Variants in EHD3 observed in about 807,000 individuals in gnomAD.
EHD3 encodes EH domain containing 3.
EHD3 carries 17 observed loss-of-function variants against 43.0 expected under a neutral mutation model. That is an observed-to-expected ratio of 0.40 (90% CI 0.27 to 0.59). The LOEUF is 0.59. EHD3 is among the 20% of genes least tolerant of loss of function. EHD3 has a pLI of 0.49. For missense variants in EHD3, 594 were observed against 705.6 expected, an observed-to-expected ratio of 0.84 and a Z score of 1.79; for synonymous variants, 313 against 289.5, an observed-to-expected ratio of 1.08 and a Z score of -0.82.
At position 31,268,761 on chromosome 2, in the gene EHD3, C is replaced by T. The variant is rs1157346350; in HGVS notation, c.*2057C>T. The T allele has an allele frequency of 1.3e-5, 2 of 152,226 alleles. No homozygotes were observed. Among genetic ancestry groups the T allele is most frequent in the African/African-American group, 4.8e-5 (2 of 41,452 alleles). 9.4% of individuals were successfully genotyped at this position (152,226 alleles called of 1,614,324 possible). ...CGAGTGCAGGTTAGGGACCATTTCT[C>T]AACTCCACACCTTTCTTCAAGCTGA... is the stretch of plus-strand genomic sequence containing the variant. On this transcript the variant is annotated 3_prime_UTR_variant, in exon 6 of 6. Transcript: ENST00000322054.
Position 31,266,981 on chromosome 2 carries a change from A to C in EHD3, c.*277A>C. The stretch of plus-strand genomic sequence containing the variant: ...TATCGCTCTTCCCCTCTCCTCGGCC[A>C]CTCCCCAGATACCAGACCTGAGGCA... On this transcript the variant is annotated 3_prime_UTR_variant, in exon 6 of 6. Coordinates refer to ENST00000322054, the MANE Select transcript of EHD3 (RefSeq NM_014600.3). The surrounding 1 kb of genome is among the most constrained non-coding windows in gnomAD (Gnocchi z 5.1). 2 of 417,232 alleles carry C rather than the reference A, an allele frequency of 4.8e-6. No individual in the cohort carries two copies. Among genetic ancestry groups the C allele is most frequent in the South Asian group, 5.2e-5 (1 of 19,104 alleles). The allele number at this position is 417,232 out of a possible 1,614,324, so 25.8% of individuals were successfully genotyped here. A position where few individuals can be genotyped will look rare whatever the true frequency, so the allele number is the denominator to read the frequency against.
chr2:31,256,962 T>C (rs1038035934), intron 3 of EHD3, among the ~76,000 whole-genome samples: 10 of 152,228 alleles, frequency 6.6e-5, no homozygotes, highest in Non-Finnish European at 1.3e-4. Flanking sequence ...CTGGCTGCCT[T>C]AGCCTGTTCT....
intron 5 of EHD3, 118 bp downstream of exon 5, chr2:31,261,831 CAGGCA>C: frequency 1.8e-6 from 2 of 1,114,506 alleles, no homozygotes; most frequent in Non-Finnish European, 1.2e-6. Context: ...CCAGAATCTG[CAGGCA>C]AGGAGGTGGC....
chr2:31,265,266 A>G (rs672739), intron 5 of EHD3, among the ~76,000 whole-genome samples: 17,411 of 152,284 alleles, frequency 0.11, 1,086 homozygotes, highest in Non-Finnish European at 0.12. Flanking sequence ...AACCAGTAAC[A>G]TAGCCGTTAT....
chr2:31,238,821 T>A (rs1683367271), intron 1 of EHD3, among the ~76,000 whole-genome samples: 1 of 152,080 alleles, frequency 6.6e-6, no homozygotes. Context: ...CCATGGGCCA[T>A]GAGGGAGGCC....
At chr2:31,261,794 C>G (rs775462203) in intron 5 of EHD3, 81 bp downstream of exon 5, 279 of 1,530,504 alleles carry the variant, frequency 1.8e-4, no homozygotes, top group Non-Finnish European at 2.3e-4. Context: ...GGAGGCCACT[C>G]TTGGAGCCCC....
rs1491201693 is a variant in EHD3, at chr2:31,253,244, TCC to T, written c.502+3778_502+3779del. Among the ~76,000 whole-genome samples, 6 of 70,020 alleles carry T rather than the reference TCC, an allele frequency of 8.6e-5. 1 individual carries two copies. Among genetic ancestry groups the T allele is most frequent in the Admixed American group, 2.0e-4 (1 of 5,004 alleles). The allele number at this position is 70,020 out of a possible 152,430, so 45.9% of individuals were successfully genotyped here. A position where few individuals can be genotyped will look rare whatever the true frequency, so the allele number is the denominator to read the frequency against. The stretch of plus-strand genomic sequence containing the variant: ...TCCCCTCTTCCCCACAGCAACCCCC[TCC>T]CACACACACACACACACACACACAC... On this transcript the variant is annotated intron_variant, in intron 3 of 5. Transcript: ENST00000322054.
rs1285305084 is a variant in EHD3 at position 31,268,434 on chromosome 2, G to C, written c.*1730G>C. On this transcript the variant is annotated 3_prime_UTR_variant, in exon 6 of 6. Transcript: ENST00000322054. ...GAGCATCATTCAATGGAGGCTGAGG[G>C]AGAAGGGCTGGGTTCTTACTTGGAG... 1.3e-5 allele frequency: 2 copies of C among 152,608 alleles called. No individual in the cohort carries two copies. Among genetic ancestry groups the C allele is most frequent in the African/African-American group, 4.8e-5 (2 of 41,454 alleles). The allele number at this position is 152,608 out of a possible 1,614,324, so 9.5% of individuals were successfully genotyped here. A position where few individuals can be genotyped will look rare whatever the true frequency, so the allele number is the denominator to read the frequency against.
intron 1 of EHD3, among the ~76,000 whole-genome samples, chr2:31,237,546 G>A (rs651166): frequency 0.25 from 37,405 of 151,784 alleles, 6,747 homozygotes; most frequent in African/African-American, 0.51. Context: ...CTGGGGTTAC[G>A]GGCACCCGCC....
rs762432989 is a variant in EHD3 at position 31,260,648 on chromosome 2, T to C, written c.641T>C (p.Met214Thr). The C allele has an allele frequency of 2.7e-5, 43 of 1,614,076 alleles. 1 individual carries two copies. The highest frequency in any genetic ancestry group is 3.5e-5 in the Non-Finnish European group (41 of 1,180,040). Residue 214 changes from methionine to threonine, a missense_variant, in exon 4 of 6, where the codon ATG becomes ACG. Transcript: ENST00000322054. This position sits in a 1 kb window ranked among gnomAD's most constrained non-coding sequence, Gnocchi z 4.6. ...IKALKNHEDK[M>T]RVVLNKADQI... ...GCCCTCAAGAACCACGAGGACAAGATGCGAGTGGTGCTGAACAAAGCTGAC... is the reference window on the plus strand; with the variant it reads ...GCCCTCAAGAACCACGAGGACAAGACGCGAGTGGTGCTGAACAAAGCTGAC...
intron 3 of EHD3, among the ~76,000 whole-genome samples, chr2:31,250,074 A>C (rs1330161653): frequency 5.9e-5 from 2 of 34,090 alleles, no homozygotes; most frequent in Non-Finnish European, 1.0e-4. Context: ...AGGTTTCTTT[A>C]TTTCAGTTAC....
At chr2:31,264,063 G>A (rs1220964135) in intron 5 of EHD3, among the ~76,000 whole-genome samples, 1 of 152,172 alleles carries the variant, frequency 6.6e-6, no homozygotes, top group African/African-American at 2.4e-5. Flanking sequence ...TAATGACAGG[G>A]ACACATCCTC....
intron 3 of EHD3, among the ~76,000 whole-genome samples, chr2:31,249,707 C>G (rs914298023): frequency 6.6e-6 from 1 of 152,172 alleles, no homozygotes; most frequent in African/African-American, 2.4e-5. Context: ...GTCTTCTCAT[C>G]TGTAAAATGA....
At chr2:31,259,522 T>G (rs967537632) in intron 3 of EHD3, among the ~76,000 whole-genome samples, 13 of 152,152 alleles carry the variant, frequency 8.5e-5, no homozygotes, top group Non-Finnish European at 1.8e-4. Flanking sequence ...CTGTAACCAG[T>G]CTGACCTAAA....
intron 5 of EHD3, among the ~76,000 whole-genome samples, chr2:31,262,521 T>A (rs1427147108): frequency 6.6e-6 from 1 of 152,190 alleles, no homozygotes; most frequent in African/African-American, 2.4e-5. Context: ...ACTATGCCCT[T>A]AGTACACAGT....
Position 31,267,587 on chromosome 2 carries a change from A to T in EHD3, c.*883A>T, listed in dbSNP as rs1683980208. 1 of 152,620 alleles carries T rather than the reference A, an allele frequency of 6.6e-6. No individual in the cohort carries two copies. The highest frequency in any genetic ancestry group is 6.5e-5 in the Admixed American group (1 of 15,270). 9.5% of individuals were successfully genotyped at this position (152,620 alleles called of 1,614,324 possible). ...CTGATGCCCCAGGGAAGTATGCATT[A>T]GCCTTCCCATTTTGCAGTTGAGGAG... On this transcript the variant is annotated 3_prime_UTR_variant, in exon 6 of 6. Coordinates refer to ENST00000322054, the MANE Select transcript of EHD3 (RefSeq NM_014600.3).
chr2:31,264,611 T>C lies in EHD3; in HGVS notation c.1081-1566T>C, dbSNP rs367986174. Reference sequence around the variant, plus strand: ...GTGCAGTGGCGCGATCTCGGCTCACTGCAACCTCCAACTCTGGGTTCAAGC... The same window carrying C: ...GTGCAGTGGCGCGATCTCGGCTCACCGCAACCTCCAACTCTGGGTTCAAGC... On this transcript the variant is annotated intron_variant, in intron 5 of 5. Transcript: ENST00000322054. 2.0e-4 allele frequency among the ~76,000 whole-genome samples: 29 copies of C among 143,796 alleles called. 1 individual carries two copies. The highest frequency in any genetic ancestry group is 7.5e-4 in the African/African-American group (29 of 38,480). 94.3% of individuals were successfully genotyped at this position (143,796 alleles called of 152,430 possible).
intron 5 of EHD3, among the ~76,000 whole-genome samples, chr2:31,263,841 G>A (rs561405323): frequency 6.6e-6 from 1 of 152,332 alleles, no homozygotes; most frequent in South Asian, 2.1e-4. Flanking sequence ...GCAGAAAGCT[G>A]TCACCCTATC....
Position 31,249,144 on chromosome 2 carries a change from G to A in EHD3, c.405-227G>A, listed in dbSNP as rs576771325. Among the ~76,000 whole-genome samples, 4 of 152,282 alleles carry A rather than the reference G, an allele frequency of 2.6e-5. No homozygotes were observed. In the East Asian group the frequency reaches 7.7e-4, roughly 29 times the overall value. On this transcript the variant is annotated intron_variant, in intron 2 of 5. Transcript: ENST00000322054. ...ACACAGCATTTTACCAAACACACCCGGGTGCAGGGCGCTCTTAACACTGGA... is the reference window on the plus strand; with the variant it reads ...ACACAGCATTTTACCAAACACACCCAGGTGCAGGGCGCTCTTAACACTGGA...
Sources: gnomAD v4.1 joint callset for allele counts (sites outside exome capture counted in the v4.1 genomes callset) on GRCh38, gnomAD v4.1.1 for gene constraint, Gnocchi (gnomAD v3.1) non-coding constraint, MANE v1.5 for transcripts, NCBI Gene and HGNC (gene_info 2026-07-23, HGNC 2026-07-21) for gene names.